The following WWOX variants were observed in gnomAD, a reference collection of about 807,000 sequenced individuals.
WWOX encodes WW domain-containing oxidoreductase.
A neutral mutation model predicts 46.2 loss-of-function variants in WWOX; 69 were observed. The observed-to-expected ratio is 1.49, with a 90% CI of 1.23 to 1.82. The LOEUF (loss-of-function observed/expected upper bound fraction) is 1.82. Ranked by LOEUF, WWOX falls within the 40% of genes most tolerant of loss-of-function variation. The pLI is 0.00. For synonymous variants in WWOX, 359 were observed against 202.6 expected, an observed-to-expected ratio of 1.77 and a Z score of -6.56; for missense variants, 919 against 542.6, an observed-to-expected ratio of 1.69 and a Z score of -6.89.
At chr16:78,501,914 C>G (rs1464348176) in intron 8 of WWOX, among the ~76,000 whole-genome samples, 1 of 152,082 alleles carries the variant, frequency 6.6e-6, no homozygotes, top group East Asian at 1.9e-4. Context: ...AAGGTGAAAA[C>G]CACTGTGGTC....
chr16:78,243,698 CA>C (rs1289351481), intron 5 of WWOX, among the ~76,000 whole-genome samples: 6 of 152,166 alleles, frequency 3.9e-5, no homozygotes, highest in Admixed American at 2.0e-4. Context: ...AGGTGTGCAC[CA>C]CCATGCCCGG....
intron 5 of WWOX, among the ~76,000 whole-genome samples, chr16:78,351,067 C>T (rs1240561308): frequency 6.6e-6 from 1 of 152,174 alleles, no homozygotes; most frequent in Non-Finnish European, 1.5e-5. Flanking sequence ...AACATCTCTT[C>T]ATATGATTAT....
intron 8 of WWOX, among the ~76,000 whole-genome samples, chr16:78,473,967 G>C (rs376995675): frequency 6.6e-6 from 1 of 152,156 alleles, no homozygotes; most frequent in Non-Finnish European, 1.5e-5. Context: ...ACTTCTGTTC[G>C]AAATGAATAG....
rs1346024476 is a variant in WWOX at position 78,911,068 on chromosome 16, T to G, written c.1057-300540T>G. Among the ~76,000 whole-genome samples, 5 of 152,178 alleles carry G rather than the reference T, an allele frequency of 3.3e-5. 1 individual carries two copies. The highest frequency in any genetic ancestry group is 2.0e-4 in the Admixed American group (3 of 15,288). On this transcript the variant is annotated intron_variant, in intron 8 of 8. Transcript: ENST00000566780. ...CAGCCTGTCGACTTCCATCCCCATG[T>G]GTGGCTCTCCCCAGGGCCTCCCTTC...
Position 79,020,749 on chromosome 16 carries a change from C to G in WWOX, c.1057-190859C>G, listed in dbSNP as rs760111995. Among the ~76,000 whole-genome samples, 13 of 152,168 alleles carry G rather than the reference C, an allele frequency of 8.5e-5. 1 individual carries two copies. Among genetic ancestry groups the G allele is most frequent in the East Asian group, 1.9e-4 (1 of 5,194 alleles). On this transcript the variant is annotated intron_variant, in intron 8 of 8. Transcript: ENST00000566780. ...AAGGGGAAGGGTGTTGATGTCAACA[C>G]GCATGCAGCTTCCCACACGTCGTGT...
intron 5 of WWOX, among the ~76,000 whole-genome samples, chr16:78,261,279 A>ATACT (rs1459559109): frequency 2.8e-5 from 4 of 145,168 alleles, no homozygotes; most frequent in Non-Finnish European, 6.0e-5. Context: ...AGATAGATAG[A>ATACT]TAGATACATA....
intron 8 of WWOX, among the ~76,000 whole-genome samples, chr16:78,453,033 C>T (rs1032751866): frequency 3.3e-5 from 5 of 150,974 alleles, no homozygotes; most frequent in African/African-American, 9.8e-5. Context: ...AGGCACCTGC[C>T]TTCATGCCTG....
At chr16:79,079,302 C>T (rs143000428) in intron 8 of WWOX, among the ~76,000 whole-genome samples, 139 of 152,326 alleles carry the variant, frequency 9.1e-4, no homozygotes, top group African/African-American at 3.2e-3. Context: ...TCACTTCTGA[C>T]TACCATATCC....
chr16:78,554,298 C>G (rs917589418), intron 8 of WWOX, among the ~76,000 whole-genome samples: 4 of 152,056 alleles, frequency 2.6e-5, no homozygotes, highest in African/African-American at 7.2e-5. Context: ...AGTAATATGC[C>G]TAGTGTTCCA....
chr16:79,137,106 C>A (rs947703623), intron 8 of WWOX, among the ~76,000 whole-genome samples: 3 of 152,168 alleles, frequency 2.0e-5, no homozygotes, highest in Non-Finnish European at 4.4e-5. Flanking sequence ...TGAATATTCT[C>A]ACGCTTCCAG....
intron 8 of WWOX, among the ~76,000 whole-genome samples, chr16:78,506,119 G>C (rs1304605439): frequency 6.6e-6 from 1 of 151,798 alleles, no homozygotes; most frequent in African/African-American, 2.4e-5. Flanking sequence ...AGAAGGGGAG[G>C]ACAGGCTTCG....
chr16:78,373,801 A>AT (rs537223213), intron 5 of WWOX, among the ~76,000 whole-genome samples: 3 of 152,012 alleles, frequency 2.0e-5, no homozygotes, highest in Non-Finnish European at 4.4e-5. Context: ...ATATATGTAT[A>AT]TTTTTTGAGA....
chr16:78,569,153 G>A (rs2044651023), intron 8 of WWOX, among the ~76,000 whole-genome samples: 1 of 152,130 alleles, frequency 6.6e-6, no homozygotes, highest in Non-Finnish European at 1.5e-5. Flanking sequence ...GGGGTGGGAG[G>A]GAAGAACCCT....
At chr16:78,147,665 T>C (rs1011990046) in intron 4 of WWOX, among the ~76,000 whole-genome samples, 6 of 136,880 alleles carry the variant, frequency 4.4e-5, no homozygotes, top group African/African-American at 1.6e-4. Context: ...ATTTTTCTTT[T>C]TCTTTCTTCC....
chr16:78,706,776 C>T (rs575690005), intron 8 of WWOX, among the ~76,000 whole-genome samples: 2 of 152,262 alleles, frequency 1.3e-5, no homozygotes, highest in East Asian at 3.9e-4. Flanking sequence ...TGACAGCTAC[C>T]CTTGCAACTG....
chr16:78,261,784 CTATCTA>C (rs1298628370), intron 5 of WWOX, among the ~76,000 whole-genome samples: 39 of 50,898 alleles, frequency 7.7e-4, no homozygotes, highest in African/African-American at 3.6e-3. Context: ...ATCTATCTAT[CTATCTA>C]TATATATATA....
At chr16:78,128,093 G>C (rs1285504276) in intron 4 of WWOX, among the ~76,000 whole-genome samples, 2 of 152,258 alleles carry the variant, frequency 1.3e-5, no homozygotes, top group African/African-American at 4.8e-5. Context: ...AGTTATAGAA[G>C]AAAGACTCCT....
chr16:78,329,131 G>A (rs968401779), intron 5 of WWOX, among the ~76,000 whole-genome samples: 8 of 152,118 alleles, frequency 5.3e-5, no homozygotes, highest in Non-Finnish European at 1.0e-4. Context: ...AAAGTGCTGG[G>A]ATTACAGGTG....
chr16:78,953,077 C>T (rs2046094950), intron 8 of WWOX, among the ~76,000 whole-genome samples: 2 of 151,564 alleles, frequency 1.3e-5, no homozygotes, highest in South Asian at 4.2e-4. Context: ...GACAATCTGA[C>T]CATATACCAA....
Sources: allele counts gnomAD v4.1 joint callset (sites outside exome capture counted in the v4.1 genomes callset), GRCh38; gene constraint gnomAD v4.1.1; transcripts MANE v1.5; gene names NCBI Gene and HGNC (gene_info 2026-07-23, HGNC 2026-07-21).